The following CALHM4 variants were observed in gnomAD, a reference collection of about 807,000 sequenced individuals.
CALHM4 encodes calcium homeostasis modulator family member 4.
A neutral mutation model predicts 13.3 loss-of-function variants in CALHM4; 16 were observed. The ratio of observed to expected loss-of-function variants is 1.20; its 90% CI spans 0.81 to 1.82. The LOEUF (loss-of-function observed/expected upper bound fraction) is 1.82. Among genes scored for constraint, CALHM4 ranks in the 40% most tolerant of loss-of-function variants. CALHM4 has a pLI of 0.00. For synonymous variants in CALHM4, 127 were observed against 137.1 expected, an observed-to-expected ratio of 0.93 and a Z score of 0.52; for missense variants, 344 against 374.9, an observed-to-expected ratio of 0.92 and a Z score of 0.68.
chr6:116,550,983 G>A (rs960524401), upstream of CALHM4, among the ~76,000 whole-genome samples: 4 of 152,022 alleles, frequency 2.6e-5, no homozygotes, highest in Non-Finnish European at 4.4e-5. Context: ...ATAAACTATG[G>A]CCAGGTCGCG....
At chr6:116,545,607 T>G (rs1183974528) in intron 2 of CALHM4, 6 of 1,173,578 alleles carry the variant, frequency 5.1e-6, no homozygotes, top group Non-Finnish European at 7.3e-6. Context: ...GTTTTGTTTT[T>G]GTAAGCTCTT....
upstream of CALHM4, among the ~76,000 whole-genome samples, chr6:116,551,809 C>G (rs1372435469): frequency 1.3e-5 from 2 of 152,190 alleles, no homozygotes; most frequent in African/African-American, 4.8e-5. Flanking sequence ...AGTGGTTACT[C>G]CATTTCACAT....
At chr6:116,543,637 A>G in intron 1 of CALHM4, 1 of 666,410 alleles carries the variant, frequency 1.5e-6, no homozygotes, top group South Asian at 1.8e-5. Context: ...GTAACATGAT[A>G]ACATCTTTCT....
At chr6:116,556,462 C>G (rs1296086658) in intron 1 of CALHM4, among the ~76,000 whole-genome samples, 1 of 152,192 alleles carries the variant, frequency 6.6e-6, no homozygotes, top group African/African-American at 2.4e-5. Context: ...TCTGAGATGG[C>G]TTTTCCTCCG....
rs900151462 is a variant in CALHM4 at position 116,558,829 on chromosome 6, G to A, written c.*618G>A. The stretch of plus-strand genomic sequence containing the variant: ...AGTAACATGTGAGGGAGAAGCCCAT[G>A]CAGGAAGCTCTTGAGTTACTGTACT... On this transcript the variant is annotated 3_prime_UTR_variant, in exon 2 of 2. Transcript: ENST00000368596. 2.0e-5 allele frequency: 3 copies of A among 152,234 alleles called. No homozygotes were observed. Among genetic ancestry groups the A allele is most frequent in the Non-Finnish European group, 4.4e-5 (3 of 68,064 alleles). The allele number at this position is 152,234 out of a possible 1,614,324, so 9.4% of individuals were successfully genotyped here. A position where few individuals can be genotyped will look rare whatever the true frequency, so the allele number is the denominator to read the frequency against.
intron 1 of CALHM4, among the ~76,000 whole-genome samples, chr6:116,541,682 T>A (rs773790725): frequency 7.2e-5 from 11 of 152,190 alleles, no homozygotes; most frequent in Non-Finnish European, 1.5e-4. Flanking sequence ...CTTTTAACAA[T>A]CAAAATGTCT....
In CALHM4 at chr6:116,554,206, C is replaced by T. The variant is rs997868775; in HGVS notation, c.413C>T (p.Ser138Phe). 6.4e-7 allele frequency: 1 copy of T among 1,550,482 alleles called. No individual in the cohort carries two copies. Among genetic ancestry groups the T allele is most frequent in the African/African-American group, 1.4e-5 (1 of 73,024 alleles). Reference sequence around the variant, plus strand: ...GAATGTGCAGCAAGTGAATTTGCATCTGTGGACCATTACCCAATGTTTGAT... The same window carrying T: ...GAATGTGCAGCAAGTGAATTTGCATTTGTGGACCATTACCCAATGTTTGAT... ...YYECAASEFA[S>F]VDHYPMFDNV... Residue 138 changes from serine to phenylalanine, a missense_variant, in exon 1 of 2, where the codon TCT (serine) becomes TTT (phenylalanine). By Grantham distance (155) the Ser-to-Phe change is radical. Coordinates refer to ENST00000368596, the MANE Select transcript of CALHM4 (RefSeq NM_001366078.2).
At position 116,543,301 on chromosome 6, in the gene CALHM4, A is replaced by G. The variant is rs963597887; in HGVS notation, c.-108-464A>G. 5 of 1,545,388 alleles carry G rather than the reference A, an allele frequency of 3.2e-6. No individual in the cohort carries two copies. In the African/African-American group the frequency reaches 6.9e-5, roughly 21 times the overall value. On this transcript the variant is annotated intron_variant, in intron 1 of 2. Transcript: ENST00000368597. ...CAATAAGAATGAAGGACTTCCACTT[A>G]CATTTTATCTAAATATTGGTTCACA...
intron 2 of CALHM4, among the ~76,000 whole-genome samples, chr6:116,547,867 G>C (rs1773874317): frequency 1.3e-5 from 2 of 152,180 alleles, no homozygotes; most frequent in Admixed American, 1.3e-4. Flanking sequence ...CTTCAGTCTG[G>C]TAAAACTGCA....
At position 116,558,985 on chromosome 6, in the gene CALHM4, A is replaced by G. The variant is rs562488303; in HGVS notation, c.*774A>G. The G allele has an allele frequency of 2.6e-5, 4 of 152,284 alleles. No individual in the cohort carries two copies. In the East Asian group the frequency reaches 7.7e-4, roughly 29 times the overall value. 9.4% of individuals were successfully genotyped at this position (152,284 alleles called of 1,614,324 possible). ...CTAGAAAGCTTCTCCACTGTGCTCT[A>G]CTCCAGAGATACCATTTGTACCTTT... On this transcript the variant is annotated 3_prime_UTR_variant, in exon 2 of 2. Transcript: ENST00000368596.
At position 116,535,917 on chromosome 6, in the gene CALHM4, T is replaced by C. The variant is rs78653537; in HGVS notation, c.-109+6727T>C. On this transcript the variant is annotated intron_variant, in intron 1 of 2. Coordinates refer to the CALHM4 transcript ENST00000368597. ...TAGCAGATAAGTCTCAATTATTCTA[T>C]CAGTAAAATGGGGCTAATGATAGAT... Among the ~76,000 whole-genome samples the C allele has an allele frequency of 5.8e-4, 89 of 152,332 alleles. 3 individuals are homozygous for C. The East Asian group carries it at 0.013, about 22-fold the overall frequency.
rs1029187797 is a variant in CALHM4, at chr6:116,560,035, A to T, written c.*1824A>T. Among the ~76,000 whole-genome samples the T allele has an allele frequency of 3.9e-5, 6 of 152,202 alleles. No individual in the cohort carries two copies. The highest frequency in any genetic ancestry group is 1.4e-4 in the African/African-American group (6 of 41,462). The stretch of plus-strand genomic sequence containing the variant: ...TTACATGAAGGATGTTAAAAATACA[A>T]ATAGAAGTATGTTGTGGAAGGCAAC... On this transcript the variant is annotated 3_prime_UTR_variant, in exon 2 of 2. Transcript: ENST00000368596.
chr6:116,531,183 C>G (rs1772697185), intron 1 of CALHM4, among the ~76,000 whole-genome samples: 1 of 151,878 alleles, frequency 6.6e-6, no homozygotes, highest in Non-Finnish European at 1.5e-5. Context: ...TAGCATGAAA[C>G]TCTACTTAAC....
At chr6:116,548,102 A>G (rs952007075) in intron 2 of CALHM4, among the ~76,000 whole-genome samples, 2 of 152,196 alleles carry the variant, frequency 1.3e-5, no homozygotes, top group East Asian at 3.8e-4. Context: ...GGTAGTTTTA[A>G]GAGTTGGGGC....
intron 1 of CALHM4, among the ~76,000 whole-genome samples, chr6:116,541,781 A>G (rs1378646437): frequency 6.6e-6 from 1 of 152,200 alleles, no homozygotes; most frequent in Non-Finnish European, 1.5e-5. Flanking sequence ...AGCAACTGGG[A>G]ACAGTGGTCA....
chr6:116,533,995 T>G (rs1483377884), intron 1 of CALHM4, among the ~76,000 whole-genome samples: 1 of 152,184 alleles, frequency 6.6e-6, no homozygotes, highest in Non-Finnish European at 1.5e-5. Flanking sequence ...ATCCATAGTC[T>G]GTAATCATAC....
chr6:116,529,535 T>A (rs150073750), intron 1 of CALHM4, among the ~76,000 whole-genome samples: 1 of 152,274 alleles, frequency 6.6e-6, no homozygotes, highest in East Asian at 1.9e-4. Flanking sequence ...GTAAAGTAGA[T>A]TGGAGCTGAG....
intron 2 of CALHM4, among the ~76,000 whole-genome samples, chr6:116,545,123 A>T (rs779263750): frequency 1.3e-5 from 2 of 150,736 alleles, no homozygotes. Context: ...ATATACATAC[A>T]TACATATATA....
intron 1 of CALHM4, among the ~76,000 whole-genome samples, chr6:116,529,387 C>G (rs1040310200): frequency 6.6e-6 from 1 of 152,058 alleles, no homozygotes; most frequent in Non-Finnish European, 1.5e-5. Context: ...ATCTTTGTAA[C>G]TAACAGAGTC....
Sources: gnomAD v4.1 joint callset for allele counts (sites outside exome capture counted in the v4.1 genomes callset) on GRCh38, gnomAD v4.1.1 for gene constraint, MANE v1.5 for transcripts, NCBI Gene and HGNC (gene_info 2026-07-23, HGNC 2026-07-21) for gene names.